Variants in GSE1 observed in about 807,000 individuals in gnomAD.
GSE1 encodes the protein genetic suppressor element 1.
Under a neutral mutation model 112.6 loss-of-function variants are expected in GSE1, and 32 were observed. The observed-to-expected ratio is 0.28, with a 90% CI of 0.21 to 0.38. The LOEUF is 0.38. Among genes scored for constraint, GSE1 ranks in the 10% least tolerant of loss-of-function variants. The pLI is 1.00. For missense variants in GSE1, 2,348 were observed against 1,699.2 expected (o/e 1.38, Z -6.71); for synonymous variants, 1,115 against 735.6 (o/e 1.52, Z -8.35).
At chr16:85,189,052 C>T (rs983874903) in intron 1 of GSE1, among the ~76,000 whole-genome samples, 1 of 152,184 alleles carries the variant, frequency 6.6e-6, no homozygotes, top group Non-Finnish European at 1.5e-5. Flanking sequence ...TCCAGTGCTG[C>T]CGGAAGCCTA....
chr16:85,566,535 CTT>C (rs1407402374), intron 1 of GSE1, among the ~76,000 whole-genome samples: 2 of 152,182 alleles, frequency 1.3e-5, no homozygotes, highest in African/African-American at 4.8e-5. Context: ...CGGAGAATTT[CTT>C]TGTTATAGAT....
intron 1 of GSE1, among the ~76,000 whole-genome samples, chr16:85,192,305 T>C (rs1387037627): frequency 6.6e-6 from 1 of 152,246 alleles, no homozygotes; most frequent in Non-Finnish European, 1.5e-5. Context: ...CGTTCTTGGG[T>C]CTGTTACTTA....
At chr16:85,485,414 C>A (rs966060888) in intron 2 of GSE1, among the ~76,000 whole-genome samples, 1 of 149,344 alleles carries the variant, frequency 6.7e-6, no homozygotes, top group African/African-American at 2.6e-5. Context: ...TCCTCTTCCT[C>A]CCCTGTGCCT....
At chr16:85,525,355 CG>C (rs139968289) in intron 2 of GSE1, among the ~76,000 whole-genome samples, 5,195 of 152,268 alleles carry the variant, frequency 0.034, 143 homozygotes, top group Non-Finnish European at 0.046. Flanking sequence ...TGGCTCAGCC[CG>C]AGGGAAGGGC....
At chr16:85,300,031 GAC>G (rs2045476727) in intron 1 of GSE1, among the ~76,000 whole-genome samples, 1 of 148,780 alleles carries the variant, frequency 6.7e-6, no homozygotes, top group Admixed American at 6.7e-5. Context: ...TTTTTTTTGA[GAC>G]ACAGTTTTGC....
intron 2 of GSE1, among the ~76,000 whole-genome samples, chr16:85,416,556 C>G (rs549545647): frequency 6.6e-6 from 1 of 152,302 alleles, no homozygotes; most frequent in Non-Finnish European, 1.5e-5. Context: ...AGGGGGAGCC[C>G]GGGTTGAGGG....
chr16:85,171,807 G>A (rs575123854), exon 1 of GSE1: 70 of 985,248 alleles, frequency 7.1e-5, no homozygotes, highest in Non-Finnish European at 8.1e-5. Flanking sequence ...CAGCGACGAA[G>A]GTAAGCAGCA....
chr16:85,476,248 G>A (rs1306746977), intron 2 of GSE1, among the ~76,000 whole-genome samples: 3 of 152,168 alleles, frequency 2.0e-5, no homozygotes, highest in Admixed American at 6.5e-5. Context: ...TGAGGCCTGC[G>A]GGCTTTTAAG....
At chr16:85,246,471 G>GCACACACACACACACA (rs143143067) in intron 1 of GSE1, among the ~76,000 whole-genome samples, 7 of 36,812 alleles carry the variant, frequency 1.9e-4, no homozygotes, top group South Asian at 1.7e-3. Flanking sequence ...CCCACACGCT[G>GCACACACACACACACA]CACACACACA....
At chr16:85,538,338 C>G (rs2044403310) in intron 2 of GSE1, among the ~76,000 whole-genome samples, 1 of 152,206 alleles carries the variant, frequency 6.6e-6, no homozygotes, top group African/African-American at 2.4e-5. Context: ...AAGCTTTTCT[C>G]CCTGGCCTGA....
At chr16:85,665,213 A>T (rs901689121) in intron 12 of GSE1, 85 bp downstream of exon 12, 13 of 728,958 alleles carry the variant, frequency 1.8e-5, no homozygotes, top group Admixed American at 4.3e-5. Context: ...CGAGGTCTTC[A>T]TCATTGTGAA....
At position 85,363,451 on chromosome 16, in the gene GSE1, T is replaced by C. The variant is rs112574144; in HGVS notation, c.2464+5808T>C. 2.3e-3 allele frequency among the ~76,000 whole-genome samples: 345 copies of C among 152,316 alleles called. 1 individual carries two copies. Among genetic ancestry groups the C allele is most frequent in the African/African-American group, 7.8e-3 (325 of 41,568 alleles). On this transcript the variant is annotated intron_variant, in intron 2 of 2. Coordinates refer to the GSE1 transcript ENST00000637419. ...CTGGGCCAGGCCTTACCTCCAACCC[T>C]GGCCGACCAGGACTGGACTTGCGTT...
intron 2 of GSE1, among the ~76,000 whole-genome samples, chr16:85,370,182 G>A (rs1206676917): frequency 6.6e-6 from 1 of 152,160 alleles, no homozygotes; most frequent in Non-Finnish European, 1.5e-5. Flanking sequence ...CCAAAGCCAA[G>A]CCCTGGGGCT....
In GSE1 at chr16:85,648,578, C is replaced by T. The variant is rs1445418376; in HGVS notation, c.253C>T (p.Pro85Ser). 1 of 1,596,734 alleles carries T rather than the reference C, an allele frequency of 6.3e-7. No individual in the cohort carries two copies. Among genetic ancestry groups the T allele is most frequent in the Non-Finnish European group, 8.5e-7 (1 of 1,171,400 alleles). Residue 85 changes from proline to serine, a missense_variant, in exon 3 of 16, where the codon CCC becomes TCC. By Grantham distance (74) the Pro-to-Ser change is moderately conservative. Coordinates refer to ENST00000253458, the MANE Select transcript of GSE1 (RefSeq NM_014615.5). ...GTCCTCACTGAGCAGCGAGTCGTCC[C>T]CCGTGTCCTCTCCGGCCACCAACCA... ...RGSSLSSESS[P>S]VSSPATNHSS...
chr16:85,648,630 G>A lies in GSE1; in HGVS notation c.305G>A (p.Arg102His), dbSNP rs969150216. The A allele has an allele frequency of 5.0e-6, 8 of 1,606,040 alleles. No individual in the cohort carries two copies. The highest frequency in any genetic ancestry group is 1.7e-4 in the Middle Eastern group (1 of 6,056). The part of the protein sequence containing the change: ...NHSSPASTPK[R>H]VPMGPIIVPP... ...AGCTCCCCCGCCAGCACACCCAAGCGCGTGCCCATGGGCCCTATCATCGTC... is the reference window on the plus strand; with the variant it reads ...AGCTCCCCCGCCAGCACACCCAAGCACGTGCCCATGGGCCCTATCATCGTC... The change falls in exon 3 of 16, where the codon CGC becomes CAC. Residue 102 changes from arginine (R) to histidine (H), a missense_variant. Coordinates refer to ENST00000253458, the MANE Select transcript of GSE1 (RefSeq NM_014615.5).
chr16:85,320,415 G>T (rs2046078567), intron 1 of GSE1, among the ~76,000 whole-genome samples: 1 of 151,598 alleles, frequency 6.6e-6, no homozygotes, highest in Non-Finnish European at 1.5e-5. Flanking sequence ...AACCAGGACA[G>T]ACAGGGCCGC....
chr16:85,525,506 C>G (rs1384005599), intron 2 of GSE1, among the ~76,000 whole-genome samples: 2 of 152,228 alleles, frequency 1.3e-5, no homozygotes, highest in Non-Finnish European at 2.9e-5. Flanking sequence ...GCTCATGATG[C>G]CCAGCCAGCC....
At chr16:85,628,397 C>T (rs1308307206) in intron 1 of GSE1, among the ~76,000 whole-genome samples, 14 of 152,196 alleles carry the variant, frequency 9.2e-5, no homozygotes, top group Admixed American at 9.2e-4. Flanking sequence ...GGAGGGGGCC[C>T]ATGGGGCCCG....
intron 2 of GSE1, among the ~76,000 whole-genome samples, chr16:85,515,190 C>T (rs2151939878): frequency 6.6e-6 from 1 of 152,320 alleles, no homozygotes; most frequent in East Asian, 1.9e-4. Context: ...ATCGGCATTC[C>T]AGCTTTCTGA....
Sources: allele counts gnomAD v4.1 joint callset (sites outside exome capture counted in the v4.1 genomes callset), GRCh38; gene constraint gnomAD v4.1.1; transcripts MANE v1.5; gene names NCBI Gene and HGNC (gene_info 2026-07-23, HGNC 2026-07-21).